The following SEL1L variants were observed in gnomAD, a reference collection of about 807,000 sequenced individuals.
SEL1L encodes the protein protein sel-1 homolog 1.
In SEL1L, 52 loss-of-function variants were observed where a neutral mutation model predicts 109.8. That is an observed-to-expected ratio of 0.47 (90% CI 0.38 to 0.60). The LOEUF (loss-of-function observed/expected upper bound fraction) is 0.60. Among genes scored for constraint, SEL1L ranks in the 20% least tolerant of loss-of-function variants. The pLI, the probability that SEL1L is intolerant of heterozygous loss-of-function variation, is 0.00. For missense variants in SEL1L, 749 were observed against 962.2 expected, an observed-to-expected ratio of 0.78 and a Z score of 2.93; for synonymous variants, 373 against 339.6, an observed-to-expected ratio of 1.10 and a Z score of -1.08.
At chr14:81,523,172 T>C (rs1566626676) in intron 3 of SEL1L, among the ~76,000 whole-genome samples, 1 of 152,182 alleles carries the variant, frequency 6.6e-6, no homozygotes, top group Non-Finnish European at 1.5e-5. Context: ...GGATAGGACT[T>C]GGTTGCCAGG....
chr14:81,533,726 G>C lies in SEL1L; in HGVS notation c.19C>G (p.Leu7Val), dbSNP rs754062702. The change falls in exon 1 of 21, where the codon CTG (leucine) becomes GTG (valine). Residue 7 changes from leucine to valine, a missense_variant. This residue lies in a region of SEL1L where 366 missense variants were observed against 399.8 expected (regional missense o/e 0.92). Transcript: ENST00000336735. Reference sequence around the variant, plus strand: ...AGCACCGCACACAGCAGCAGCGTCAGCCCTATCCGGACCCGCATCCTCCTC... The same window carrying C: ...AGCACCGCACACAGCAGCAGCGTCACCCCTATCCGGACCCGCATCCTCCTC... MRVRIG[L>V]TLLLCAVLLS... 5 of 1,613,566 alleles carry C rather than the reference G, an allele frequency of 3.1e-6. No homozygotes were observed. The highest frequency in any genetic ancestry group is 1.7e-4 in the Middle Eastern group (1 of 6,060).
In SEL1L at chr14:81,514,839, G is replaced by T. The variant is rs571891176; in HGVS notation, c.341-8598C>A. On this transcript the variant is annotated intron_variant, in intron 3 of 20. Coordinates refer to ENST00000336735, the MANE Select transcript of SEL1L (RefSeq NM_005065.6). ...GCAGCTCATTTTTTTCTGCACTATG[G>T]CCTGGCCCCAATATTCTCTCTGATG... Among the ~76,000 whole-genome samples, 22 of 152,200 alleles carry T rather than the reference G, an allele frequency of 1.4e-4. No homozygotes were observed. The East Asian group carries it at 4.1e-3, about 28-fold the overall frequency.
At chr14:81,518,334 C>T (rs112546287) in intron 3 of SEL1L, among the ~76,000 whole-genome samples, 1 of 151,462 alleles carries the variant, frequency 6.6e-6, no homozygotes. Flanking sequence ...CTTAAGACCA[C>T]GTACAAAAAC....
intron 3 of SEL1L, among the ~76,000 whole-genome samples, chr14:81,522,638 C>G (rs915515677): frequency 1.3e-5 from 2 of 152,198 alleles, no homozygotes; most frequent in African/African-American, 2.4e-5. Context: ...ATGCATTTCT[C>G]AGAATGCATC....
intron 10 of SEL1L, 71 bp from the exon 11 acceptor site, chr14:81,495,208 G>C (rs1011697540): frequency 7.3e-7 from 1 of 1,378,920 alleles, no homozygotes; most frequent in Non-Finnish European, 1.0e-6. Context: ...AGACCAACAA[G>C]AAATGATTTG....
rs758060388 is a variant in SEL1L, at chr14:81,498,372, TA to T, written c.973+40del. 5.0e-5 allele frequency: 73 copies of T among 1,471,100 alleles called. No individual in the cohort carries two copies. In the African/African-American group the frequency reaches 7.5e-4, roughly 15 times the overall value. 91.1% of individuals were successfully genotyped at this position (1,471,100 alleles called of 1,614,324 possible). On this transcript the variant is annotated intron_variant, in intron 9 of 20. Transcript: ENST00000336735. ...AGAAATGTTTAAAGTTAATTCCATT[TA>T]TTTTTTTTTCCTAAAAGGTAAAAGG...
Position 81,506,097 on chromosome 14 carries a change from T to C in SEL1L, c.485A>G (p.Asp162Gly), listed in dbSNP as rs11499034. The C allele has an allele frequency of 0.012, 19,807 of 1,613,458 alleles. 162 individuals carry two copies. Among genetic ancestry groups the C allele is most frequent in the Non-Finnish European group, 0.014 (17,024 of 1,179,594 alleles). The change falls in exon 4 of 21, where the codon GAT (aspartate) becomes GGT (glycine). Residue 162 changes from aspartate to glycine, a missense_variant. Coordinates refer to ENST00000336735, the MANE Select transcript of SEL1L (RefSeq NM_005065.6). ...ACTTTCACAAAAGCCCCACTTTTCATCTGCTTTGTAGTCATAGGTTGTAGC... is the reference window on the plus strand; with the variant it reads ...ACTTTCACAAAAGCCCCACTTTTCACCTGCTTTGTAGTCATAGGTTGTAGC... Reference protein sequence around the residue: ...WCATTYDYKADEKWGFCETEE... With the variant: ...WCATTYDYKAGEKWGFCETEE...
At chr14:81,482,135 CT>C (rs1239833983) in intron 19 of SEL1L, among the ~76,000 whole-genome samples, 4 of 152,100 alleles carry the variant, frequency 2.6e-5, no homozygotes, top group African/African-American at 9.7e-5. Flanking sequence ...TTCCCTCCCC[CT>C]ACTCTTATCA....
chr14:81,522,019 T>TA (rs919196901), intron 3 of SEL1L, among the ~76,000 whole-genome samples: 11 of 151,654 alleles, frequency 7.3e-5, no homozygotes, highest in South Asian at 2.1e-4. Context: ...TTTAAAAAGT[T>TA]AAAAAAAAAT....
chr14:81,515,336 T>A lies in SEL1L; in HGVS notation c.341-9095A>T, dbSNP rs140378304. On this transcript the variant is annotated intron_variant, in intron 3 of 20. Transcript: ENST00000336735. ...TACAGGGTCTAGGGCAAACCTTCGA[T>A]CTCACTTGGAGAGATGTTATGTTAT... Among the ~76,000 whole-genome samples the A allele has an allele frequency of 9.7e-3, 1,470 of 152,312 alleles. 33 individuals are homozygous for A. The highest frequency in any genetic ancestry group is 0.034 in the African/African-American group (1,411 of 41,560).
chr14:81,488,967 G>A, intron 14 of SEL1L: 1 of 414,230 alleles, frequency 2.4e-6, no homozygotes. Flanking sequence ...TTTAAGTCCT[G>A]AGAGATGGTT....
At chr14:81,477,682 G>A (rs1160827369) in intron 20 of SEL1L, among the ~76,000 whole-genome samples, 3 of 152,126 alleles carry the variant, frequency 2.0e-5, no homozygotes, top group East Asian at 1.9e-4. Context: ...GCATGGTGGC[G>A]GGTGCATGTA....
chr14:81,489,279 G>A lies in SEL1L; in HGVS notation c.1368C>T (p.Ala456=). 6.2e-7 allele frequency: 1 copy of A among 1,614,150 alleles called. No individual in the cohort carries two copies. Residue 456 remains alanine, a synonymous_variant, in exon 14 of 21, where the codon GCC becomes GCT. Coordinates refer to ENST00000336735, the MANE Select transcript of SEL1L (RefSeq NM_005065.6). ...NPVGQSGLGM[A]YLYGRGVQVN... ...CTTGAACTCCTCTCCCATAGAGGTA[G>A]GCCATTCCAAGCCCACTCTGTCCAA...
intron 3 of SEL1L, among the ~76,000 whole-genome samples, chr14:81,526,139 T>C (rs144836029): frequency 6.6e-6 from 1 of 152,246 alleles, no homozygotes; most frequent in African/African-American, 2.4e-5. Flanking sequence ...CAACAAGACA[T>C]GGTAGAATGC....
chr14:81,524,226 T>C (rs145047373), intron 3 of SEL1L, among the ~76,000 whole-genome samples: 1 of 152,236 alleles, frequency 6.6e-6, no homozygotes, highest in African/African-American at 2.4e-5. Flanking sequence ...CCAAAACCCC[T>C]AGGCAAAAGA....
chr14:81,522,984 C>T (rs1327360045), intron 3 of SEL1L, among the ~76,000 whole-genome samples: 7 of 152,054 alleles, frequency 4.6e-5, no homozygotes, highest in Admixed American at 3.9e-4. Context: ...AGAGGGCTGA[C>T]ATGTATGTAA....
intron 1 of SEL1L, among the ~76,000 whole-genome samples, chr14:81,528,426 A>G (rs1885197241): frequency 6.6e-6 from 1 of 152,144 alleles, no homozygotes; most frequent in Non-Finnish European, 1.5e-5. Context: ...TTGCTTACAC[A>G]TTCACACAGC....
In SEL1L at chr14:81,527,590, T is replaced by C. The variant is rs562954698; in HGVS notation, c.108+111A>G. The C allele has an allele frequency of 1.1e-5, 8 of 726,234 alleles. No individual in the cohort carries two copies. The East Asian group carries it at 2.0e-4, about 18-fold the overall frequency. The allele number at this position is 726,234 out of a possible 1,614,324, so 45.0% of individuals were successfully genotyped here. ...TACCATCTGTCTTTTTCTGTCCTTTTTAATTCAACTGTTACTCAAAAGTTG... is the reference window on the plus strand; with the variant it reads ...TACCATCTGTCTTTTTCTGTCCTTTCTAATTCAACTGTTACTCAAAAGTTG... On this transcript the variant is annotated intron_variant, in intron 2 of 20. Coordinates refer to ENST00000336735, the MANE Select transcript of SEL1L (RefSeq NM_005065.6).
chr14:81,489,614 T>C (rs1442207795), intron 13 of SEL1L, among the ~76,000 whole-genome samples: 2 of 152,360 alleles, frequency 1.3e-5, no homozygotes, highest in East Asian at 1.9e-4. Flanking sequence ...GCATGACTAA[T>C]GTATTTCATC....
Sources: allele counts gnomAD v4.1 joint callset (sites outside exome capture counted in the v4.1 genomes callset), GRCh38; gene constraint gnomAD v4.1.1; regional missense constraint gnomAD v4.1.1; transcripts MANE v1.5; gene names NCBI Gene and HGNC (gene_info 2026-07-23, HGNC 2026-07-21).